ZCWPW2: variants seen among roughly 807,000 people sequenced by gnomAD.
ZCWPW2 encodes the protein zinc finger CW-type PWWP domain protein 2.
A neutral mutation model predicts 46.6 loss-of-function variants in ZCWPW2; 45 were observed. The observed-to-expected ratio is 0.96, with a 90% CI of 0.76 to 1.24. ZCWPW2 has a LOEUF of 1.24. Ranked by LOEUF, ZCWPW2 falls within the 50% of genes most tolerant of loss-of-function variation. The pLI is 0.00. For synonymous variants in ZCWPW2, 152 were observed against 137.1 expected (o/e 1.11, Z -0.76); for missense variants, 429 against 403.9 (o/e 1.06, Z -0.53).
chr3:28,519,160 T>G (rs1385990645), intron 8 of ZCWPW2, among the ~76,000 whole-genome samples: 1 of 152,326 alleles, frequency 6.6e-6, no homozygotes, highest in East Asian at 1.9e-4. Context: ...TTACAGGCTT[T>G]GCTTGTTTGT....
At position 28,350,042 on chromosome 3, in the gene ZCWPW2, G is replaced by A. The variant is rs549043671; in HGVS notation, c.-134+839G>A. On this transcript the variant is annotated intron_variant, in intron 1 of 9. Transcript: ENST00000383768. ...CTTAGAAATCTGTGTTAATGTTATC[G>A]TTGAGAAAGGAAACGATTTGCTTCA... Among the ~76,000 whole-genome samples, 15 of 152,264 alleles carry A rather than the reference G, an allele frequency of 9.9e-5. No homozygotes were observed. In the South Asian group the frequency reaches 2.1e-3, roughly 21 times the overall value.
At chr3:28,374,189 A>T (rs900553552) in intron 1 of ZCWPW2, among the ~76,000 whole-genome samples, 2 of 152,098 alleles carry the variant, frequency 1.3e-5, no homozygotes, top group Non-Finnish European at 2.9e-5. Context: ...ATAGGACACT[A>T]ATTTTATTCT....
At chr3:28,363,551 T>G (rs1460577400) in intron 1 of ZCWPW2, among the ~76,000 whole-genome samples, 1 of 152,118 alleles carries the variant, frequency 6.6e-6, no homozygotes, top group Non-Finnish European at 1.5e-5. Flanking sequence ...GTTTGCCCAT[T>G]TGTAGAGATA....
chr3:28,424,557 A>G (rs1483076389), intron 3 of ZCWPW2, among the ~76,000 whole-genome samples: 1 of 152,200 alleles, frequency 6.6e-6, no homozygotes, highest in East Asian at 1.9e-4. Flanking sequence ...GTGGGCATCT[A>G]TAAGCCAAGG....
chr3:28,490,961 T>C (rs1699788865), intron 5 of ZCWPW2, among the ~76,000 whole-genome samples: 1 of 152,150 alleles, frequency 6.6e-6, no homozygotes, highest in South Asian at 2.1e-4. Flanking sequence ...ATGAAATACA[T>C]ATACATTTTT....
chr3:28,419,971 G>A lies in ZCWPW2; in HGVS notation c.332+6571G>A, dbSNP rs561390366. Among the ~76,000 whole-genome samples the A allele has an allele frequency of 5.5e-4, 78 of 142,034 alleles. 1 individual carries two copies. The highest frequency in any genetic ancestry group is 1.1e-3 in the Admixed American group (15 of 14,066). The allele number at this position is 142,034 out of a possible 152,430, so 93.2% of individuals were successfully genotyped here. A position where few individuals can be genotyped will look rare whatever the true frequency, so the allele number is the denominator to read the frequency against. ...GATAGCATTCGGAGATATACCTAACGCTAAATGACGAGTTAATGGGTGCAG... is the reference window on the plus strand; with the variant it reads ...GATAGCATTCGGAGATATACCTAACACTAAATGACGAGTTAATGGGTGCAG... On this transcript the variant is annotated intron_variant, in intron 3 of 9. Transcript: ENST00000383768.
At chr3:28,521,586 ATT>A (rs1700725872) in intron 9 of ZCWPW2, among the ~76,000 whole-genome samples, 1 of 152,214 alleles carries the variant, frequency 6.6e-6, no homozygotes, top group African/African-American at 2.4e-5. Context: ...AAGTTTTACC[ATT>A]TATATGTAGA....
intron 1 of ZCWPW2, among the ~76,000 whole-genome samples, chr3:28,381,244 C>T (rs955877160): frequency 2.0e-5 from 3 of 150,916 alleles, no homozygotes; most frequent in Admixed American, 1.3e-4. Context: ...AAAACTTCAC[C>T]AGTAGCCTAT....
At chr3:28,466,674 C>T (rs1206287520) in intron 4 of ZCWPW2, among the ~76,000 whole-genome samples, 1 of 152,064 alleles carries the variant, frequency 6.6e-6, no homozygotes, top group Non-Finnish European at 1.5e-5. Context: ...TGGCACACAC[C>T]TTTAGTCCCA....
chr3:28,417,238 T>C (rs56284811), intron 3 of ZCWPW2, among the ~76,000 whole-genome samples: 3,988 of 152,060 alleles, frequency 0.026, 153 homozygotes, highest in African/African-American at 0.085. Flanking sequence ...TATAAATACC[T>C]CTACACAAAT....
intron 1 of ZCWPW2, among the ~76,000 whole-genome samples, chr3:28,378,396 A>G (rs1705567890): frequency 6.6e-6 from 1 of 152,032 alleles, no homozygotes; most frequent in Admixed American, 6.6e-5. Context: ...TCTAACTAGA[A>G]ATATAACTCA....
Position 28,348,829 on chromosome 3 carries a change from G to C in ZCWPW2, c.-508G>C, listed in dbSNP as rs912755740. Reference sequence around the variant, plus strand: ...CCCGGGACGTTCTGGAAGGAGGGACGAGCCGAGGCAGGAGGGGCCGGGCCG... The same window carrying C: ...CCCGGGACGTTCTGGAAGGAGGGACCAGCCGAGGCAGGAGGGGCCGGGCCG... On this transcript the variant is annotated 5_prime_UTR_variant, in exon 1 of 10. Transcript: ENST00000383768. 4 of 454,032 alleles carry C rather than the reference G, an allele frequency of 8.8e-6. No individual in the cohort carries two copies. Among genetic ancestry groups the C allele is most frequent in the Admixed American group, 6.4e-5 (1 of 15,606 alleles). 28.1% of individuals were successfully genotyped at this position (454,032 alleles called of 1,614,324 possible).
Position 28,412,573 on chromosome 3 carries a change from C to A in ZCWPW2, c.-13-483C>A, listed in dbSNP as rs7434193. Among the ~76,000 whole-genome samples the A allele has an allele frequency of 4.1e-3, 629 of 151,830 alleles. 3 individuals are homozygous for A. Among genetic ancestry groups the A allele is most frequent in the Non-Finnish European group, 6.0e-3 (408 of 67,852 alleles). On this transcript the variant is annotated intron_variant, in intron 2 of 9. Transcript: ENST00000383768. ...CTCTACTGTGTACCAGTTCCAGGAC[C>A]TGAGACAAATTGCTTTACATTTCTT...
chr3:28,358,100 G>C (rs1225123375), intron 1 of ZCWPW2, among the ~76,000 whole-genome samples: 1 of 151,742 alleles, frequency 6.6e-6, no homozygotes, highest in Non-Finnish European at 1.5e-5. Context: ...AGTCAAATCT[G>C]TTCACCTAGT....
chr3:28,448,348 A>C, intron 4 of ZCWPW2, among the ~76,000 whole-genome samples: 1 of 152,208 alleles, frequency 6.6e-6, no homozygotes, highest in Admixed American at 6.5e-5. Context: ...TGGCATCAAA[A>C]AGAACAAACT....
At chr3:28,361,736 A>G (rs1486722158) in intron 1 of ZCWPW2, among the ~76,000 whole-genome samples, 2 of 152,222 alleles carry the variant, frequency 1.3e-5, no homozygotes, top group South Asian at 2.1e-4. Context: ...ACATTTTTCT[A>G]AAGAAGATAT....
rs1575071532 is a variant in ZCWPW2 at position 28,382,595 on chromosome 3, G to A, written c.-133-7903G>A. Among the ~76,000 whole-genome samples, 3 of 152,068 alleles carry A rather than the reference G, an allele frequency of 2.0e-5. No homozygotes were observed. The South Asian group carries it at 6.2e-4, about 32-fold the overall frequency. ...GCTTTTGTTTTGAATACTTACTATT[G>A]TGCCAAAGACAATTTATAGAATCCT... On this transcript the variant is annotated intron_variant, in intron 1 of 9. Coordinates refer to ENST00000383768, the MANE Select transcript of ZCWPW2 (RefSeq NM_001040432.4).
rs561496969 is a variant in ZCWPW2, at chr3:28,518,024, T to A, written c.784+2403T>A. Among the ~76,000 whole-genome samples, 31 of 150,946 alleles carry A rather than the reference T, an allele frequency of 2.1e-4. 1 individual carries two copies. In the East Asian group the frequency reaches 5.9e-3, roughly 29 times the overall value. On this transcript the variant is annotated intron_variant, in intron 8 of 9. Transcript: ENST00000383768. ...GGTGGTACGTGCCTGTAGTCCCAGC[T>A]ACTTGGGAGGCTGAGGCAGGAGAAT...
chr3:28,404,831 G>A (rs1020389016), intron 2 of ZCWPW2, among the ~76,000 whole-genome samples: 2 of 152,138 alleles, frequency 1.3e-5, no homozygotes, highest in Non-Finnish European at 2.9e-5. Context: ...TAATCTATGA[G>A]GATGCAAAGG....
Sources: gnomAD v4.1 joint callset for allele counts (sites outside exome capture counted in the v4.1 genomes callset) on GRCh38, gnomAD v4.1.1 for gene constraint, MANE v1.5 for transcripts, NCBI Gene and HGNC (gene_info 2026-07-23, HGNC 2026-07-21) for gene names.